Variants in REC114 observed in about 807,000 individuals in gnomAD.
REC114 encodes meiotic recombination protein REC114.
Under a neutral mutation model 31.3 loss-of-function variants are expected in REC114, and 27 were observed. The observed-to-expected ratio is 0.86, with a 90% CI of 0.64 to 1.19. REC114 has a LOEUF of 1.19. REC114 is among the 50% of genes most tolerant of loss of function. REC114 has a pLI of 0.00. For missense variants in REC114, 344 were observed against 326.9 expected, an observed-to-expected ratio of 1.05 and a Z score of -0.40; for synonymous variants, 134 against 127.7, an observed-to-expected ratio of 1.05 and a Z score of -0.33.
In REC114 at chr15:73,551,089, C is replaced by T. The variant is rs56996732; in HGVS notation, c.485C>T (p.Pro162Leu). ...CAGGAGCTTCAGCTGATTCCTGGCC[C>T]ACCCAGGGCAACTGAAAGTCAAGGG... is the stretch of plus-strand genomic sequence containing the variant. ...NIQELQLIPG[P>L]PRATESQGKD... Residue 162 changes from proline to leucine, a missense_variant, in exon 4 of 6, where the codon CCA (proline) becomes CTA (leucine). Pro to Leu is a moderately conservative substitution (Grantham distance 98). Coordinates refer to ENST00000331090, the MANE Select transcript of REC114 (RefSeq NM_001042367.2). 2.2e-4 allele frequency: 358 copies of T among 1,613,474 alleles called. 2 individuals carry two copies. The African/African-American group carries it at 3.7e-3, about 17-fold the overall frequency.
At chr15:73,525,352 A>G (rs192980087) in intron 2 of REC114, among the ~76,000 whole-genome samples, 22 of 151,732 alleles carry the variant, frequency 1.4e-4, no homozygotes, top group African/African-American at 5.1e-4. Flanking sequence ...TCTGTTTTCT[A>G]TTTCATTTAC....
intron 2 of REC114, among the ~76,000 whole-genome samples, chr15:73,475,139 C>G (rs536982393): frequency 6.6e-6 from 1 of 152,270 alleles, no homozygotes; most frequent in African/African-American, 2.4e-5. Flanking sequence ...AGTTTGGCTT[C>G]CTCGGGCATA....
chr15:73,446,182 C>T (rs1892762418), intron 1 of REC114, among the ~76,000 whole-genome samples: 1 of 152,138 alleles, frequency 6.6e-6, no homozygotes, highest in Non-Finnish European at 1.5e-5. Flanking sequence ...GCTTTAACAC[C>T]ATGGGTTGCC....
At chr15:73,492,526 G>A (rs1338200874) in intron 2 of REC114, among the ~76,000 whole-genome samples, 4 of 152,102 alleles carry the variant, frequency 2.6e-5, no homozygotes, top group Non-Finnish European at 5.9e-5. Context: ...TGAGTTATAG[G>A]GCAGCGCTTC....
At chr15:73,494,585 T>C (rs1003229018) in intron 2 of REC114, among the ~76,000 whole-genome samples, 1 of 152,174 alleles carries the variant, frequency 6.6e-6, no homozygotes, top group Non-Finnish European at 1.5e-5. Context: ...CTTTAAGTAT[T>C]AAAAAGAAAT....
At chr15:73,555,236 A>T (rs142046914) in intron 4 of REC114, among the ~76,000 whole-genome samples, 2 of 152,158 alleles carry the variant, frequency 1.3e-5, no homozygotes, top group African/African-American at 4.8e-5. Flanking sequence ...GCGCCCTCCA[A>T]AGAGTGCCCT....
intron 1 of REC114, among the ~76,000 whole-genome samples, chr15:73,457,065 CTTT>C (rs934090597): frequency 2.9e-5 from 2 of 68,012 alleles, no homozygotes; most frequent in Non-Finnish European, 6.1e-5. Context: ...TATTTCTGAG[CTTT>C]TTTTTTTTTT....
At chr15:73,484,347 T>C (rs528390587) in intron 2 of REC114, among the ~76,000 whole-genome samples, 5 of 152,252 alleles carry the variant, frequency 3.3e-5, no homozygotes, top group African/African-American at 1.2e-4. Flanking sequence ...TCAAGTTGCT[T>C]CTGCCACCTG....
chr15:73,484,661 G>T (rs1893342805), intron 2 of REC114, among the ~76,000 whole-genome samples: 1 of 152,200 alleles, frequency 6.6e-6, no homozygotes, highest in East Asian at 1.9e-4. Context: ...CCAAATGGGA[G>T]AAGTTATTTC....
At chr15:73,540,859 T>C (rs954622961) in intron 3 of REC114, among the ~76,000 whole-genome samples, 1 of 152,180 alleles carries the variant, frequency 6.6e-6, no homozygotes, top group African/African-American at 2.4e-5. Flanking sequence ...GAGTACATCA[T>C]TTGTCTTGCG....
At chr15:73,481,484 T>C (rs1346140562) in intron 2 of REC114, among the ~76,000 whole-genome samples, 1 of 152,084 alleles carries the variant, frequency 6.6e-6, no homozygotes, top group East Asian at 1.9e-4. Context: ...AAGGCTGAGA[T>C]ATCTTGACCC....
intron 1 of REC114, among the ~76,000 whole-genome samples, chr15:73,444,507 T>G (rs1595856688): frequency 6.6e-6 from 1 of 152,240 alleles, no homozygotes; most frequent in East Asian, 1.9e-4. Context: ...TCTCTTCAAG[T>G]TTTATCGTAA....
chr15:73,489,200 C>CTTT (rs60331328), intron 2 of REC114, among the ~76,000 whole-genome samples: 24 of 126,236 alleles, frequency 1.9e-4, no homozygotes, highest in African/African-American at 3.4e-4. Context: ...CCTCCCCCAC[C>CTTT]TTTTTTTTTT....
chr15:73,540,399 C>T (rs1894221536), intron 2 of REC114, 86 bp from the exon 3 acceptor site: 1 of 984,124 alleles, frequency 1.0e-6, no homozygotes, highest in Non-Finnish European at 1.6e-6. Flanking sequence ...AACAAATATA[C>T]AACTTTCTAA....
intron 2 of REC114, among the ~76,000 whole-genome samples, chr15:73,537,508 G>A (rs963502299): frequency 3.3e-5 from 5 of 152,160 alleles, no homozygotes; most frequent in African/African-American, 9.7e-5. Flanking sequence ...ATCAACTCCA[G>A]CGACAGTGGT....
intron 2 of REC114, among the ~76,000 whole-genome samples, chr15:73,494,595 T>C (rs1028787200): frequency 2.6e-5 from 4 of 152,086 alleles, no homozygotes; most frequent in African/African-American, 9.7e-5. Flanking sequence ...TAAAAAGAAA[T>C]GTACCTTTTC....
intron 4 of REC114, among the ~76,000 whole-genome samples, chr15:73,552,844 G>A (rs59104311): frequency 0.36 from 54,350 of 151,876 alleles, 10,719 homozygotes; most frequent in Admixed American, 0.45. Flanking sequence ...ACAGAGTTTC[G>A]CTCTTGTTGC....
chr15:73,551,262 CAT>C, intron 4 of REC114, 112 bp downstream of exon 4: 3 of 1,071,492 alleles, frequency 2.8e-6, no homozygotes, highest in Non-Finnish European at 4.1e-6. Flanking sequence ...GTTTAAAAAA[CAT>C]CTATGTTCGG....
At chr15:73,453,431 G>C (rs1003070855) in intron 1 of REC114, among the ~76,000 whole-genome samples, 43 of 152,170 alleles carry the variant, frequency 2.8e-4, no homozygotes, top group Admixed American at 6.5e-5. Flanking sequence ...ACCATCTCAT[G>C]CCTGTTAGAA....
Sources: allele counts gnomAD v4.1 joint callset (sites outside exome capture counted in the v4.1 genomes callset), GRCh38; gene constraint gnomAD v4.1.1; transcripts MANE v1.5; gene names NCBI Gene and HGNC (gene_info 2026-07-23, HGNC 2026-07-21).